EXT1: variants seen among roughly 807,000 people sequenced by gnomAD.
EXT1 encodes the protein exostosin glycosyltransferase 1.
Under a neutral mutation model 82.5 loss-of-function variants are expected in EXT1, and 20 were observed. The observed-to-expected ratio is 0.24, with a 90% CI of 0.17 to 0.35. The LOEUF (loss-of-function observed/expected upper bound fraction) is 0.35. Among genes scored for constraint, EXT1 ranks in the 10% least tolerant of loss-of-function variants. The pLI is 1.00. For missense variants in EXT1, 757 were observed against 936.5 expected, an observed-to-expected ratio of 0.81 and a Z score of 2.50; for synonymous variants, 348 against 350.8, an observed-to-expected ratio of 0.99 and a Z score of 0.09.
At chr8:118,013,959 C>T (rs1815954969) in intron 1 of EXT1, among the ~76,000 whole-genome samples, 1 of 152,150 alleles carries the variant, frequency 6.6e-6, no homozygotes, top group Non-Finnish European at 1.5e-5. Context: ...GCGATTGAAT[C>T]CTGGCTCACT....
chr8:118,038,616 A>G (rs1412496986), intron 1 of EXT1, among the ~76,000 whole-genome samples: 1 of 152,162 alleles, frequency 6.6e-6, no homozygotes. Flanking sequence ...AGCACTTACC[A>G]TTTACCAAGC....
intron 1 of EXT1, among the ~76,000 whole-genome samples, chr8:117,944,174 G>A (rs917805259): frequency 6.6e-6 from 1 of 152,172 alleles, no homozygotes; most frequent in African/African-American, 2.4e-5. Context: ...GGCCCAGACA[G>A]GCAGATCACT....
chr8:117,889,576 G>T (rs1813206673), intron 1 of EXT1, among the ~76,000 whole-genome samples: 1 of 152,186 alleles, frequency 6.6e-6, no homozygotes, highest in Non-Finnish European at 1.5e-5. Context: ...AGAAAGATAT[G>T]TGTTTTACCT....
intron 1 of EXT1, among the ~76,000 whole-genome samples, chr8:117,879,628 A>G (rs1024500936): frequency 6.6e-6 from 1 of 152,230 alleles, no homozygotes; most frequent in Non-Finnish European, 1.5e-5. Flanking sequence ...CAGGAAAGAC[A>G]TACCTTAGCA....
At chr8:117,846,798 G>A (rs17450612) in intron 1 of EXT1, among the ~76,000 whole-genome samples, 13,368 of 152,176 alleles carry the variant, frequency 0.088, 774 homozygotes, top group African/African-American at 0.16. Context: ...GGTGGGCAGC[G>A]CAGTGTGTCT....
chr8:118,087,538 A>G (rs776799780), intron 1 of EXT1, among the ~76,000 whole-genome samples: 1 of 152,208 alleles, frequency 6.6e-6, no homozygotes, highest in Non-Finnish European at 1.5e-5. Flanking sequence ...ATAACCAACC[A>G]TAAAGTTGTT....
chr8:117,917,647 G>A (rs906309088), intron 1 of EXT1, among the ~76,000 whole-genome samples: 5 of 152,136 alleles, frequency 3.3e-5, no homozygotes, highest in African/African-American at 9.7e-5. Flanking sequence ...AGTATGATCA[G>A]CACACTCACA....
At chr8:118,107,893 A>G (rs1817827594) in intron 1 of EXT1, among the ~76,000 whole-genome samples, 1 of 152,144 alleles carries the variant, frequency 6.6e-6, no homozygotes, top group Admixed American at 6.5e-5. Context: ...AGGGGAACAT[A>G]ATGAAAATCC....
At chr8:118,098,310 T>C (rs1817656326) in intron 1 of EXT1, among the ~76,000 whole-genome samples, 1 of 152,096 alleles carries the variant, frequency 6.6e-6, no homozygotes, top group African/African-American at 2.4e-5. Context: ...GAGATGTCCC[T>C]TGTTCCCTCC....
At chr8:118,044,758 A>G (rs1438090672) in intron 1 of EXT1, among the ~76,000 whole-genome samples, 1 of 152,106 alleles carries the variant, frequency 6.6e-6, no homozygotes, top group Non-Finnish European at 1.5e-5. Flanking sequence ...AGGCTGGTCG[A>G]AAACTCGTGG....
intron 1 of EXT1, among the ~76,000 whole-genome samples, chr8:117,916,370 GC>G (rs1434464778): frequency 1.3e-5 from 2 of 152,134 alleles, no homozygotes; most frequent in African/African-American, 4.8e-5. Context: ...GAGCACCAGC[GC>G]AGACACACAC....
chr8:117,820,633 A>G (rs1811907734), intron 5 of EXT1, among the ~76,000 whole-genome samples: 1 of 151,982 alleles, frequency 6.6e-6, no homozygotes, highest in African/African-American at 2.4e-5. Context: ...GGTTGCAGTG[A>G]GCCAAGATGG....
chr8:118,039,557 C>CAAAAAAAAAAAAAAAAAAAAAAAAAAAAA, intron 1 of EXT1, among the ~76,000 whole-genome samples: 2 of 82,046 alleles, frequency 2.4e-5, no homozygotes, highest in Non-Finnish European at 4.7e-5. Flanking sequence ...GACTCCGTCA[C>CAAAAAAAAAAAAAAAAAAAAAAAAAAAAA]AAAAAAAAAA....
At chr8:117,819,553 A>G (rs1811885829) in intron 6 of EXT1, 123 bp downstream of exon 6, 1 of 807,668 alleles carries the variant, frequency 1.2e-6, no homozygotes, top group Non-Finnish European at 2.2e-6. Flanking sequence ...AGGGAGTAGC[A>G]GGGTATGATG....
intron 3 of EXT1, 28 bp downstream of exon 3, chr8:117,835,416 G>A: frequency 1.3e-6 from 2 of 1,523,166 alleles, no homozygotes; most frequent in Non-Finnish European, 1.8e-6. Flanking sequence ...ATCTGCTGAT[G>A]TGTTGAAGGC....
At chr8:117,934,247 G>T (rs1319570200) in intron 1 of EXT1, among the ~76,000 whole-genome samples, 5 of 150,102 alleles carry the variant, frequency 3.3e-5, no homozygotes, top group Admixed American at 1.3e-4. Flanking sequence ...GCAAAAAAAA[G>T]TATTAAATGA....
intron 1 of EXT1, among the ~76,000 whole-genome samples, chr8:118,044,261 T>A (rs751117633): frequency 3.9e-5 from 6 of 152,184 alleles, no homozygotes; most frequent in Admixed American, 6.5e-5. Flanking sequence ...TTATAGTTGA[T>A]AAAATGGAGA....
At chr8:118,024,722 G>T (rs1816172651) in intron 1 of EXT1, among the ~76,000 whole-genome samples, 1 of 152,176 alleles carries the variant, frequency 6.6e-6, no homozygotes, top group Non-Finnish European at 1.5e-5. Context: ...CTTGTTTGAG[G>T]AATTAACAGA....
intron 1 of EXT1, among the ~76,000 whole-genome samples, chr8:117,992,282 C>T (rs1013503216): frequency 6.6e-5 from 10 of 151,874 alleles, no homozygotes; most frequent in African/African-American, 1.7e-4. Context: ...GCCCCAACTT[C>T]GGAAGCCTCC....
Sources: gnomAD v4.1 joint callset for allele counts (sites outside exome capture counted in the v4.1 genomes callset) on GRCh38, gnomAD v4.1.1 for gene constraint, MANE v1.5 for transcripts, NCBI Gene and HGNC (gene_info 2026-07-23, HGNC 2026-07-21) for gene names.